CIMIP6: variants seen among roughly 807,000 people sequenced by gnomAD.
The protein encoded by CIMIP6 is ciliary microtubule inner protein 6, also known as uncharacterized protein C2orf73.
At chr2:54,332,056 C>T in the CIMIP6 span, among the ~76,000 whole-genome samples, 1 of 152,214 alleles carries the variant, frequency 6.6e-6, no homozygotes, top group Non-Finnish European at 1.5e-5. Flanking sequence ...GCCAATGCTG[C>T]TACTCCAGTG....
At chr2:54,349,422 G>T in the CIMIP6 span, among the ~76,000 whole-genome samples, 1 of 152,176 alleles carries the variant, frequency 6.6e-6, no homozygotes, top group African/African-American at 2.4e-5. Context: ...GCAGCAAATT[G>T]TATGTTTGAA....
chr2:54,340,317 A>G, the CIMIP6 span, among the ~76,000 whole-genome samples: 11 of 16,366 alleles, frequency 6.7e-4, 5 homozygotes, highest in African/African-American at 1.7e-3. Context: ...CCACAATCCA[A>G]TGTAAGTGAT....
At chr2:54,373,428 CAAAT>C in the CIMIP6 span, among the ~76,000 whole-genome samples, 1 of 152,122 alleles carries the variant, frequency 6.6e-6, no homozygotes, top group African/African-American at 2.4e-5. Context: ...CCCCGCAGCA[CAAAT>C]AAATGCTCCT....
the CIMIP6 span, among the ~76,000 whole-genome samples, chr2:54,341,851 G>C: frequency 6.6e-6 from 1 of 151,902 alleles, no homozygotes; most frequent in Non-Finnish European, 1.5e-5. Flanking sequence ...AAGTGGAGTG[G>C]AGAAGAGCTG....
chr2:54,383,761 A>C, the CIMIP6 span: 1 of 151,656 alleles, frequency 6.6e-6, no homozygotes, highest in Non-Finnish European at 1.5e-5. Context: ...CATGTGTTGG[A>C]AACTTAATTG....
the CIMIP6 span, among the ~76,000 whole-genome samples, chr2:54,372,041 C>T: frequency 6.6e-6 from 1 of 152,242 alleles, no homozygotes. Flanking sequence ...GTTCATGGAA[C>T]TATTCTATGA....
chr2:54,365,746 A>C, the CIMIP6 span, among the ~76,000 whole-genome samples: 5 of 152,204 alleles, frequency 3.3e-5, no homozygotes. Context: ...AAGTATACAG[A>C]AAGACCAGAA....
chr2:54,379,066 T>C, the CIMIP6 span, among the ~76,000 whole-genome samples: 1 of 152,060 alleles, frequency 6.6e-6, no homozygotes, highest in African/African-American at 2.4e-5. Context: ...AAGAAACAAA[T>C]GAACGAAGCA....
chr2:54,365,996 T>C, the CIMIP6 span, among the ~76,000 whole-genome samples: 1 of 152,096 alleles, frequency 6.6e-6, no homozygotes, highest in Non-Finnish European at 1.5e-5. Flanking sequence ...ACAAGGAACA[T>C]GAGAAAAAAT....
chr2:54,354,234 A>G, the CIMIP6 span, among the ~76,000 whole-genome samples: 1 of 152,162 alleles, frequency 6.6e-6, no homozygotes, highest in Non-Finnish European at 1.5e-5. Context: ...TCAGTACCAA[A>G]ATATTTTAAT....
At chr2:54,375,105 C>A in the CIMIP6 span, among the ~76,000 whole-genome samples, 1 of 152,056 alleles carries the variant, frequency 6.6e-6, no homozygotes, top group South Asian at 2.1e-4. Context: ...AAACAAGACC[C>A]CAAACCCAGA....
chr2:54,349,133 T>C, the CIMIP6 span, among the ~76,000 whole-genome samples: 2 of 152,266 alleles, frequency 1.3e-5, no homozygotes, highest in Non-Finnish European at 2.9e-5. Flanking sequence ...GATATAGTGG[T>C]AAAATTAATT....
chr2:54,374,692 G>A, the CIMIP6 span, among the ~76,000 whole-genome samples: 4 of 152,230 alleles, frequency 2.6e-5, no homozygotes, highest in Non-Finnish European at 4.4e-5. Flanking sequence ...ATGTAACACA[G>A]AGGACTTAAC....
the CIMIP6 span, among the ~76,000 whole-genome samples, chr2:54,375,559 A>G: frequency 6.6e-6 from 1 of 152,204 alleles, no homozygotes; most frequent in Non-Finnish European, 1.5e-5. Flanking sequence ...AAGTTATCAA[A>G]ATTGTACACG....
chr2:54,336,314 C>G, the CIMIP6 span, among the ~76,000 whole-genome samples: 1 of 152,122 alleles, frequency 6.6e-6, no homozygotes. Flanking sequence ...ATAGTTTTGC[C>G]CTTTCCAGAA....
the CIMIP6 span, among the ~76,000 whole-genome samples, chr2:54,350,500 A>G: frequency 2.0e-5 from 3 of 152,334 alleles, no homozygotes; most frequent in Non-Finnish European, 4.4e-5. Context: ...TTTCTCCAGC[A>G]GGGTAGCTGG....
At chr2:54,360,349 A>G in the CIMIP6 span, 3 of 1,610,854 alleles carry the variant, frequency 1.9e-6, no homozygotes, top group Non-Finnish European at 2.5e-6. Flanking sequence ...CGGAAAGCAG[A>G]ATGATCTCAC....
chr2:54,335,941 C>G, the CIMIP6 span, among the ~76,000 whole-genome samples: 1 of 152,134 alleles, frequency 6.6e-6, no homozygotes, highest in Non-Finnish European at 1.5e-5. Flanking sequence ...TCCTGACTCT[C>G]TCTTATAAGG....
chr2:54,359,215 A>G, the CIMIP6 span: 6 of 620,134 alleles, frequency 9.7e-6, no homozygotes, highest in South Asian at 1.1e-4. Flanking sequence ...TTAGCCACAT[A>G]CCATAGTAAA....
Sources: gnomAD v4.1 joint callset for allele counts (sites outside exome capture counted in the v4.1 genomes callset) on GRCh38, gnomAD v4.1.1 for gene constraint, MANE v1.5 for transcripts, NCBI Gene and HGNC (gene_info 2026-07-23, HGNC 2026-07-21) for gene names.